KCNK2: variants seen among roughly 807,000 people sequenced by gnomAD.
The protein encoded by KCNK2 is potassium channel subfamily K member 2.
KCNK2 carries 21 observed loss-of-function variants against 40.5 expected under a neutral mutation model. The observed-to-expected ratio is 0.52, with a 90% CI of 0.37 to 0.75. KCNK2 has a LOEUF of 0.75. KCNK2 is among the 30% of genes least tolerant of loss of function. KCNK2 has a pLI of 0.00. For missense variants in KCNK2, 399 were observed against 531.6 expected, an observed-to-expected ratio of 0.75 and a Z score of 2.45; for synonymous variants, 191 against 202.2, an observed-to-expected ratio of 0.94 and a Z score of 0.47.
At chr1:215,092,978 AG>A (rs1659755364) in intron 2 of KCNK2, among the ~76,000 whole-genome samples, 1 of 152,302 alleles carries the variant, frequency 6.6e-6, no homozygotes, top group South Asian at 2.1e-4. Context: ...GTTGATTATT[AG>A]GACATCCAAG....
At chr1:215,005,551 T>A (rs542933442), upstream of KCNK2, among the ~76,000 whole-genome samples, 10 of 152,312 alleles carry the variant, frequency 6.6e-5, no homozygotes, top group African/African-American at 2.4e-4. Flanking sequence ...CACAAACTTG[T>A]GAGAATAAGT....
At chr1:215,105,469 T>A (rs2102555872) in intron 2 of KCNK2, among the ~76,000 whole-genome samples, 1 of 152,282 alleles carries the variant, frequency 6.6e-6, no homozygotes, top group African/African-American at 2.4e-5. Context: ...TCTTTCTTCA[T>A]TCATCCATCG....
chr1:215,225,129 T>C (rs1666335944), intron 6 of KCNK2, among the ~76,000 whole-genome samples: 1 of 152,200 alleles, frequency 6.6e-6, no homozygotes, highest in African/African-American at 2.4e-5. Flanking sequence ...ATAATAGATA[T>C]TCAACAGGTA....
chr1:215,118,175 A>T (rs768505258), intron 2 of KCNK2, among the ~76,000 whole-genome samples: 1 of 152,134 alleles, frequency 6.6e-6, no homozygotes, highest in Non-Finnish European at 1.5e-5. Context: ...TAGCAGGACC[A>T]TTCAAAACAG....
At chr1:215,204,943 T>A (rs568344427) in intron 6 of KCNK2, among the ~76,000 whole-genome samples, 1 of 152,300 alleles carries the variant, frequency 6.6e-6, no homozygotes, top group Non-Finnish European at 1.5e-5. Context: ...TGCCTCAAAC[T>A]TGATTTGAAC....
chr1:215,079,906 G>C (rs147806071), upstream of KCNK2, among the ~76,000 whole-genome samples: 1 of 152,228 alleles, frequency 6.6e-6, no homozygotes, highest in East Asian at 1.9e-4. Context: ...TGAGCATTTG[G>C]CTTGTTGGGA....
intron 5 of KCNK2, among the ~76,000 whole-genome samples, chr1:215,187,774 C>T (rs1664505150): frequency 2.0e-5 from 3 of 148,772 alleles, no homozygotes; most frequent in South Asian, 2.1e-4. Context: ...TACAGGAATT[C>T]GAGGTTGCAG....
In KCNK2 at chr1:215,089,240, G is replaced by A. The variant is rs527970078; in HGVS notation, c.357+2562G>A. ...CATTAAGGATTAGATAGCATCATTC[G>A]GATGAGAGTTCAGATCTTCAGAATC... On this transcript the variant is annotated intron_variant, in intron 2 of 6. Coordinates refer to ENST00000444842, the MANE Select transcript of KCNK2 (RefSeq NM_001017425.3). Among the ~76,000 whole-genome samples, 27 of 152,198 alleles carry A rather than the reference G, an allele frequency of 1.8e-4. No homozygotes were observed. In the South Asian group the frequency reaches 5.6e-3, roughly 32 times the overall value.
At position 215,172,279 on chromosome 1, in the gene KCNK2, G is replaced by A. The variant is rs1169257840; in HGVS notation, c.823+96G>A. 4.4e-5 allele frequency: 48 copies of A among 1,088,022 alleles called. 1 individual carries two copies. The Middle Eastern group carries it at 1.5e-3, about 33-fold the overall frequency. The allele number at this position is 1,088,022 out of a possible 1,614,324, so 67.4% of individuals were successfully genotyped here. Reference sequence around the variant, plus strand: ...ATAACGAAACACAAGGGCTGTATGAGTTTTCTAGGGCTGACATACCCAAGT... The same window carrying A: ...ATAACGAAACACAAGGGCTGTATGAATTTTCTAGGGCTGACATACCCAAGT... On this transcript the variant is annotated intron_variant, in intron 5 of 6. Transcript: ENST00000444842.
At chr1:215,171,373 A>G (rs1558123643) in intron 4 of KCNK2, among the ~76,000 whole-genome samples, 1 of 152,154 alleles carries the variant, frequency 6.6e-6, no homozygotes, top group Non-Finnish European at 1.5e-5. Context: ...ATTTAGTATC[A>G]TAGAACAGAG....
At chr1:215,049,360 G>A (rs1657899528) in intron 1 of KCNK2, among the ~76,000 whole-genome samples, 1 of 152,066 alleles carries the variant, frequency 6.6e-6, no homozygotes, top group Non-Finnish European at 1.5e-5. Context: ...TGTTTACACT[G>A]TTTTGAGAGA....
intron 2 of KCNK2, among the ~76,000 whole-genome samples, chr1:215,110,729 T>C (rs1053328739): frequency 7.2e-6 from 1 of 139,008 alleles, no homozygotes; most frequent in African/African-American, 2.5e-5. Context: ...GAAAGTGCAG[T>C]GATTTCCCAT....
chr1:215,235,908 C>T lies in KCNK2; in HGVS notation c.*763C>T, dbSNP rs564754842. ...TCTGAGTATTTATTTGACTCAGGTA[C>T]CAGTGGTACATATATACAGTGTAAT... On this transcript the variant is annotated 3_prime_UTR_variant, in exon 7 of 7. Transcript: ENST00000444842. 6.6e-6 allele frequency: 1 copy of T among 152,640 alleles called. No homozygotes were observed. The highest frequency in any genetic ancestry group is 1.9e-4 in the East Asian group (1 of 5,164). The allele number at this position is 152,640 out of a possible 1,614,324, so 9.5% of individuals were successfully genotyped here.
intron 1 of KCNK2, among the ~76,000 whole-genome samples, chr1:215,056,613 C>CTTT (rs1303934649): frequency 1.4e-5 from 1 of 70,282 alleles, no homozygotes; most frequent in African/African-American, 5.0e-5. Context: ...ATTGTGTCCA[C>CTTT]TCTTTTTTTT....
At chr1:215,131,184 T>G (rs2102589382) in intron 3 of KCNK2, among the ~76,000 whole-genome samples, 1 of 151,814 alleles carries the variant, frequency 6.6e-6, no homozygotes, top group East Asian at 1.9e-4. Flanking sequence ...TTAAGTTTTT[T>G]TTTAATCTTA....
At chr1:215,056,613 C>A (rs1658177732) in intron 1 of KCNK2, among the ~76,000 whole-genome samples, 2 of 70,330 alleles carry the variant, frequency 2.8e-5, no homozygotes, top group East Asian at 5.0e-4. Context: ...ATTGTGTCCA[C>A]TCTTTTTTTT....
chr1:215,132,722 A>C (rs1207032827), intron 3 of KCNK2, among the ~76,000 whole-genome samples: 1 of 152,224 alleles, frequency 6.6e-6, no homozygotes, highest in Non-Finnish European at 1.5e-5. Context: ...CCTGCCACTC[A>C]AAAATCTTCA....
intron 5 of KCNK2, among the ~76,000 whole-genome samples, chr1:215,177,467 C>T (rs1195955427): frequency 6.6e-6 from 1 of 151,882 alleles, no homozygotes; most frequent in Non-Finnish European, 1.5e-5. Context: ...AAATTTTCTT[C>T]TAGGATTCTT....
At position 215,025,094 on chromosome 1, in the gene KCNK2, A is replaced by G. The variant is rs1656956683; in HGVS notation, c.34+19139A>G. 2.0e-5 allele frequency among the ~76,000 whole-genome samples: 3 copies of G among 152,140 alleles called. 1 individual carries two copies. ...TTAAGTGCCAAGGTTTTAGGGTCAC[A>G]GTGCCTGGGTTCAAATCCAAACCCT... On this transcript the variant is annotated intron_variant, in intron 1 of 6. Coordinates refer to the KCNK2 transcript ENST00000391895.
Sources: allele counts gnomAD v4.1 joint callset (sites outside exome capture counted in the v4.1 genomes callset), GRCh38; gene constraint gnomAD v4.1.1; transcripts MANE v1.5; gene names NCBI Gene and HGNC (gene_info 2026-07-23, HGNC 2026-07-21).